The following GADL1 variants were observed in gnomAD, a reference collection of about 807,000 sequenced individuals.
The protein encoded by GADL1 is GAD like acidic amino acid decarboxylase 1.
GADL1 carries 71 observed loss-of-function variants against 69.5 expected under a neutral mutation model. The ratio of observed to expected loss-of-function variants is 1.02; its 90% CI spans 0.84 to 1.25. The LOEUF is 1.25. Among genes scored for constraint, GADL1 ranks in the 50% most tolerant of loss-of-function variants. GADL1 has a pLI of 0.00. For missense variants in GADL1, 737 were observed against 631.8 expected, an observed-to-expected ratio of 1.17 and a Z score of -1.79; for synonymous variants, 254 against 214.4, an observed-to-expected ratio of 1.18 and a Z score of -1.62.
In GADL1 at chr3:30,864,427, G is replaced by A. The variant is rs747243792; in HGVS notation, c.38-2662C>T. 4.6e-5 allele frequency among the ~76,000 whole-genome samples: 7 copies of A among 151,532 alleles called. No individual in the cohort carries two copies. In the South Asian group the frequency reaches 6.2e-4, roughly 13 times the overall value. On this transcript the variant is annotated intron_variant, in intron 1 of 14. Transcript: ENST00000282538. ...AAATAAAAAATGTCAACACCCACTC[G>A]TAACCAGAATAGCAGTGAAATTTAA...
At position 30,839,109 on chromosome 3, in the gene GADL1, GC is replaced by G; in HGVS notation, c.790del (p.Ala264GlnfsTer24). The G allele has an allele frequency of 6.3e-7, 1 of 1,580,138 alleles. No individual in the cohort carries two copies. The highest frequency in any genetic ancestry group is 2.3e-5 in the East Asian group (1 of 43,640). ...AGTGGCACAGACAAGAAACGGTGCTGCCCCCTGTAAGAAGGATCCACACACA... is the reference window on the plus strand; with the variant it reads ...AGTGGCACAGACAAGAAACGGTGCTGCCCCTGTAAGAAGGATCCACACACA... ...KQVWQARKEG[A>X]APFLVCATSG... is the part of the protein sequence containing the mutation. On this transcript the variant is annotated frameshift_variant, in exon 9 of 15. Transcript: ENST00000282538. LOFTEE classifies it high-confidence loss of function.
At chr3:30,795,711 TAG>T (rs1373357503) in intron 12 of GADL1, among the ~76,000 whole-genome samples, 4 of 152,296 alleles carry the variant, frequency 2.6e-5, no homozygotes, top group Admixed American at 6.5e-5. Context: ...ATCTTAATTC[TAG>T]AGAAACTCTT....
intron 12 of GADL1, among the ~76,000 whole-genome samples, chr3:30,787,395 T>C (rs1202167692): frequency 6.6e-6 from 1 of 152,182 alleles, no homozygotes; most frequent in Non-Finnish European, 1.5e-5. Context: ...GACTCCTCTC[T>C]TCTAGGCTTG....
intron 8 of GADL1, among the ~76,000 whole-genome samples, chr3:30,841,883 A>G (rs1181381024): frequency 5.9e-5 from 9 of 152,198 alleles, no homozygotes; most frequent in Admixed American, 5.9e-4. Flanking sequence ...AAAGAAAAAT[A>G]CAACTTAAAT....
At chr3:30,843,446 C>T (rs1012186403) in intron 8 of GADL1, among the ~76,000 whole-genome samples, 1 of 151,752 alleles carries the variant, frequency 6.6e-6, no homozygotes, top group Non-Finnish European at 1.5e-5. Context: ...TTGGTAGTGA[C>T]GGGGTTTCAC....
At chr3:30,855,612 T>A (rs896428713) in intron 3 of GADL1, among the ~76,000 whole-genome samples, 3 of 151,966 alleles carry the variant, frequency 2.0e-5, no homozygotes, top group South Asian at 2.1e-4. Context: ...TTTAATTTTT[T>A]TCCCCCCTCC....
At chr3:30,739,053 C>T (rs1695578741) in intron 14 of GADL1, among the ~76,000 whole-genome samples, 1 of 152,206 alleles carries the variant, frequency 6.6e-6, no homozygotes, top group Non-Finnish European at 1.5e-5. Flanking sequence ...CCTAGCAGCA[C>T]AGGCACAGAT....
In GADL1 at chr3:30,869,618, G is replaced by T. The variant is rs143841464; in HGVS notation, c.38-7853C>A. On this transcript the variant is annotated intron_variant, in intron 1 of 14. Transcript: ENST00000282538. ...ACAACTTTGTCAGCAAGAGATATGG[G>T]TATCTATTTTATTTTATTTTTTTTT... 7.6e-4 allele frequency among the ~76,000 whole-genome samples: 114 copies of T among 150,842 alleles called. 1 individual carries two copies. The highest frequency in any genetic ancestry group is 1.3e-3 in the Non-Finnish European group (86 of 67,592).
At chr3:30,745,626 T>A (rs908845508) in intron 14 of GADL1, among the ~76,000 whole-genome samples, 5 of 152,248 alleles carry the variant, frequency 3.3e-5, no homozygotes, top group Non-Finnish European at 5.9e-5. Flanking sequence ...GATCTCAATA[T>A]GTTGCTCTGT....
intron 1 of GADL1, among the ~76,000 whole-genome samples, chr3:30,867,991 T>C (rs1698428324): frequency 6.6e-6 from 1 of 152,048 alleles, no homozygotes; most frequent in Admixed American, 6.6e-5. Context: ...TATGCACTAA[T>C]AAATAATATA....
rs1471115489 is a variant in GADL1, at chr3:30,800,960, G to A, written c.1179C>T (p.Phe393=). 6.2e-7 allele frequency: 1 copy of A among 1,613,706 alleles called. No homozygotes were observed. Among genetic ancestry groups the A allele is most frequent in the African/African-American group, 1.3e-5 (1 of 74,888 alleles). ...QCSRRPDAFK[F]WMTWKALGTL... ...TACCCAGGGCCTTCCAGGTCATCCA[G>A]AACTTGAATGCATCTGGTCTTCTGC... The change falls in exon 12 of 15, where the codon TTC becomes TTT. Residue 393 remains phenylalanine, a synonymous_variant. Coordinates refer to ENST00000282538, the MANE Select transcript of GADL1 (RefSeq NM_207359.3).
At chr3:30,839,155 A>G (rs1311936427) in intron 8 of GADL1, 42 bp from the exon 9 acceptor site, 2 of 1,295,374 alleles carry the variant, frequency 1.5e-6, no homozygotes, top group Non-Finnish European at 2.1e-6. Context: ...CACTGTCATC[A>G]CTAAATTTGT....
At chr3:30,851,429 C>T (rs1004334344) in intron 4 of GADL1, among the ~76,000 whole-genome samples, 1 of 152,160 alleles carries the variant, frequency 6.6e-6, no homozygotes. Context: ...CTACTACACT[C>T]TCTGTGTCTG....
chr3:30,755,901 T>C (rs1695958372), intron 14 of GADL1, among the ~76,000 whole-genome samples: 1 of 152,158 alleles, frequency 6.6e-6, no homozygotes, highest in Non-Finnish European at 1.5e-5. Context: ...AAATGGCTGG[T>C]TCCTCTGTGT....
intron 11 of GADL1, among the ~76,000 whole-genome samples, chr3:30,819,581 G>A (rs1448549719): frequency 1.3e-5 from 2 of 152,040 alleles, no homozygotes; most frequent in African/African-American, 4.8e-5. Context: ...GGAACTTAAG[G>A]AGCTGAGCCA....
intron 2 of GADL1, among the ~76,000 whole-genome samples, chr3:30,860,418 C>G (rs1698303464): frequency 6.6e-6 from 1 of 151,776 alleles, no homozygotes; most frequent in African/African-American, 2.4e-5. Flanking sequence ...AAAAAACTGC[C>G]AGAGGAGCAG....
intron 14 of GADL1, among the ~76,000 whole-genome samples, chr3:30,758,984 T>C (rs1696051226): frequency 6.6e-6 from 1 of 151,986 alleles, no homozygotes; most frequent in Non-Finnish European, 1.5e-5. Context: ...GTTAGTCTGA[T>C]GTAATTTAAA....
intron 11 of GADL1, 74 bp downstream of exon 11, chr3:30,833,779 C>A: frequency 5.8e-6 from 6 of 1,039,690 alleles, no homozygotes; most frequent in Non-Finnish European, 9.1e-6. Context: ...AAGAGATGAG[C>A]AAAAATGAAG....
chr3:30,749,758 GC>G (rs1695771725), intron 14 of GADL1, among the ~76,000 whole-genome samples: 1 of 152,248 alleles, frequency 6.6e-6, no homozygotes. Flanking sequence ...GGTTTCATTC[GC>G]CCCAGCTGAA....
Sources: gnomAD v4.1 joint callset for allele counts (sites outside exome capture counted in the v4.1 genomes callset) on GRCh38, gnomAD v4.1.1 for gene constraint, MANE v1.5 for transcripts, NCBI Gene and HGNC (gene_info 2026-07-23, HGNC 2026-07-21) for gene names.